DLGAP2: variants seen among roughly 807,000 people sequenced by gnomAD.
The protein encoded by DLGAP2 is DLG associated protein 2.
In DLGAP2, 26 loss-of-function variants were observed where a neutral mutation model predicts 100.3. The ratio of observed to expected loss-of-function variants is 0.26; its 90% CI spans 0.19 to 0.36. The LOEUF (loss-of-function observed/expected upper bound fraction) is 0.36, where lower values mean the gene tolerates loss of function less well. Among genes scored for constraint, DLGAP2 ranks in the 10% least tolerant of loss-of-function variants. DLGAP2 has a pLI of 1.00. For synonymous variants in DLGAP2, 886 were observed against 630.1 expected, an observed-to-expected ratio of 1.41 and a Z score of -6.08; for missense variants, 1,858 against 1,453.2, an observed-to-expected ratio of 1.28 and a Z score of -4.53.
chr8:1,201,955 CATGTG>C (rs1186601665), intron 2 of DLGAP2, among the ~76,000 whole-genome samples: 14 of 146,030 alleles, frequency 9.6e-5, no homozygotes, highest in Admixed American at 2.1e-4. Flanking sequence ...TATGTGTACA[CATGTG>C]GTGTGTACAG....
At chr8:1,199,560 T>C (rs1797825382) in intron 2 of DLGAP2, among the ~76,000 whole-genome samples, 1 of 152,152 alleles carries the variant, frequency 6.6e-6, no homozygotes, top group Non-Finnish European at 1.5e-5. Context: ...GACTCAGCAG[T>C]TGGCTTCAGA....
intron 2 of DLGAP2, among the ~76,000 whole-genome samples, chr8:1,024,467 G>A (rs1311931522): frequency 1.3e-5 from 2 of 152,078 alleles, no homozygotes; most frequent in Non-Finnish European, 2.9e-5. Flanking sequence ...GGACAGTCCC[G>A]TGCCGAAGGA....
rs143225712 is a variant in DLGAP2, at chr8:1,055,999, C to T, written c.73+148033C>T. Among the ~76,000 whole-genome samples the T allele has an allele frequency of 2.6e-3, 402 of 152,322 alleles. 4 individuals carry two copies. Among genetic ancestry groups the T allele is most frequent in the African/African-American group, 9.3e-3 (387 of 41,558 alleles). On this transcript the variant is annotated intron_variant, in intron 2 of 14. Coordinates refer to ENST00000637795, the MANE Select transcript of DLGAP2 (RefSeq NM_001346810.2). ...CTGGGGGGTGTTGAGATGCAGGAAG[C>T]TGCTCCTTATGGAGGCAGCTCAGGG... is the stretch of plus-strand genomic sequence containing the variant.
At chr8:1,040,321 A>AGTGTGCGTGGTCAGCTCG (rs1802299646) in intron 2 of DLGAP2, among the ~76,000 whole-genome samples, 1 of 75,712 alleles carries the variant, frequency 1.3e-5, no homozygotes, top group African/African-American at 5.3e-5. Flanking sequence ...TGGTCGGCTC[A>AGTGTGCGTGGTCAGCTCG]GTGTGCGTGG....
At chr8:977,188 T>C (rs939161472) in intron 2 of DLGAP2, among the ~76,000 whole-genome samples, 12 of 152,348 alleles carry the variant, frequency 7.9e-5, no homozygotes, top group African/African-American at 2.6e-4. Context: ...TGCAAATGTT[T>C]CTGTAGACCA....
At position 940,358 on chromosome 8, in the gene DLGAP2, G is replaced by A. The variant is rs996705490; in HGVS notation, c.73+32392G>A. ...ACAGAGCCAGGCACAGGGACAGAGA[G>A]AGAGAGAGAGAGAGGGAGAGGGAGA... is the stretch of plus-strand genomic sequence containing the variant. On this transcript the variant is annotated intron_variant, in intron 2 of 14. Transcript: ENST00000637795. Among the ~76,000 whole-genome samples the A allele has an allele frequency of 2.6e-5, 4 of 151,992 alleles. No individual in the cohort carries two copies. The East Asian group carries it at 5.8e-4, about 22-fold the overall frequency.
intron 4 of DLGAP2, among the ~76,000 whole-genome samples, chr8:1,510,538 A>T (rs924554846): frequency 6.6e-6 from 1 of 152,204 alleles, no homozygotes; most frequent in Non-Finnish European, 1.5e-5. Context: ...CAAGGAAAGG[A>T]ACTGCCTCCC....
intron 2 of DLGAP2, among the ~76,000 whole-genome samples, chr8:1,192,369 G>C (rs1200047713): frequency 6.6e-6 from 1 of 152,206 alleles, no homozygotes; most frequent in Non-Finnish European, 1.5e-5. Context: ...GGAATAGCTC[G>C]ATCAAGCTGA....
intron 3 of DLGAP2, among the ~76,000 whole-genome samples, chr8:1,482,622 G>A (rs1799127500): frequency 6.6e-6 from 1 of 152,220 alleles, no homozygotes; most frequent in African/African-American, 2.4e-5. Context: ...GGCTTGCTCG[G>A]CTGGCTTCTC....
intron 2 of DLGAP2, among the ~76,000 whole-genome samples, chr8:985,188 G>A (rs1359260511): frequency 6.6e-6 from 1 of 152,174 alleles, no homozygotes; most frequent in African/African-American, 2.4e-5. Context: ...TGATCCAGAG[G>A]AAAGAGAAAT....
chr8:1,592,992 G>A (rs183815062), intron 6 of DLGAP2, among the ~76,000 whole-genome samples: 1 of 152,114 alleles, frequency 6.6e-6, no homozygotes, highest in African/African-American at 2.4e-5. Context: ...ATATTATGAA[G>A]TACTCAAATT....
At chr8:1,141,218 G>C (rs1796516856) in intron 2 of DLGAP2, among the ~76,000 whole-genome samples, 2 of 152,164 alleles carry the variant, frequency 1.3e-5, no homozygotes, top group African/African-American at 4.8e-5. Flanking sequence ...GAGTGACAGG[G>C]AGTGTTCAAC....
chr8:1,168,114 G>A (rs1423164087), intron 2 of DLGAP2, among the ~76,000 whole-genome samples: 1 of 139,952 alleles, frequency 7.1e-6, no homozygotes, highest in East Asian at 2.1e-4. Context: ...TCCCACCTAT[G>A]AGTGAGAATC....
intron 8 of DLGAP2, among the ~76,000 whole-genome samples, chr8:1,649,982 G>A (rs1798126503): frequency 6.6e-6 from 1 of 152,210 alleles, no homozygotes; most frequent in Non-Finnish European, 1.5e-5. Context: ...GATCATGGTT[G>A]ACATAGGCAA....
chr8:1,441,910 T>C (rs1323756453), intron 3 of DLGAP2, among the ~76,000 whole-genome samples: 1 of 151,936 alleles, frequency 6.6e-6, no homozygotes, highest in Non-Finnish European at 1.5e-5. Context: ...CCATATACAC[T>C]ATGGAATACT....
chr8:1,281,934 A>G (rs1466950838), intron 3 of DLGAP2, among the ~76,000 whole-genome samples: 1 of 152,214 alleles, frequency 6.6e-6, no homozygotes, highest in Non-Finnish European at 1.5e-5. Flanking sequence ...TTGCCGATGA[A>G]TGAGCATGCA....
chr8:1,496,812 C>A (rs1012703627), intron 3 of DLGAP2, among the ~76,000 whole-genome samples: 1 of 152,164 alleles, frequency 6.6e-6, no homozygotes, highest in Non-Finnish European at 1.5e-5. Flanking sequence ...TCCGCACGTT[C>A]GCTGCTGTGC....
intron 2 of DLGAP2, among the ~76,000 whole-genome samples, chr8:1,057,982 C>T (rs1284169125): frequency 6.6e-6 from 1 of 152,204 alleles, no homozygotes; most frequent in Non-Finnish European, 1.5e-5. Context: ...TTATTTGTGG[C>T]TCTACATGAA....
At chr8:1,450,665 T>C (rs562701169) in intron 3 of DLGAP2, among the ~76,000 whole-genome samples, 72 of 152,178 alleles carry the variant, frequency 4.7e-4, no homozygotes, top group African/African-American at 1.5e-3. Flanking sequence ...TCTGCAATTA[T>C]GTGACACTGT....
Sources: gnomAD v4.1 joint callset for allele counts (sites outside exome capture counted in the v4.1 genomes callset) on GRCh38, gnomAD v4.1.1 for gene constraint, MANE v1.5 for transcripts, NCBI Gene and HGNC (gene_info 2026-07-23, HGNC 2026-07-21) for gene names.